Variants in STXBP4 observed in about 807,000 individuals in gnomAD.
STXBP4 encodes syntaxin-binding protein 4.
STXBP4 carries 55 observed loss-of-function variants against 76.1 expected under a neutral mutation model. That is an observed-to-expected ratio of 0.72 (90% CI 0.58 to 0.91). The LOEUF is 0.91. Among genes scored for constraint, STXBP4 ranks in the 40% least tolerant of loss-of-function variants. STXBP4 has a pLI of 0.00. For missense variants in STXBP4, 618 were observed against 636.9 expected, an observed-to-expected ratio of 0.97 and a Z score of 0.32; for synonymous variants, 201 against 220.2, an observed-to-expected ratio of 0.91 and a Z score of 0.77.
At chr17:55,137,306 T>G (rs1304529218) in intron 16 of STXBP4, among the ~76,000 whole-genome samples, 2 of 140,460 alleles carry the variant, frequency 1.4e-5, no homozygotes, top group Non-Finnish European at 3.1e-5. Context: ...CCTCTGTCCT[T>G]CTGCTCTGCT....
At chr17:55,207,436 A>G in the STXBP4 span, among the ~76,000 whole-genome samples, 1 of 152,052 alleles carries the variant, frequency 6.6e-6, no homozygotes, top group East Asian at 1.9e-4. Flanking sequence ...TAGAGTGCCC[A>G]TTTCCTCCCA....
At chr17:55,194,981 A>C in the STXBP4 span, among the ~76,000 whole-genome samples, 2 of 152,262 alleles carry the variant, frequency 1.3e-5, no homozygotes, top group South Asian at 4.1e-4. Context: ...CATACCACCT[A>C]AATATCAATA....
intron 1 of STXBP4, among the ~76,000 whole-genome samples, chr17:54,982,819 G>A (rs2077569522): frequency 6.6e-6 from 1 of 152,122 alleles, no homozygotes; most frequent in South Asian, 2.1e-4. Context: ...TTAATCAATA[G>A]TGTCATCTTT....
At chr17:55,071,915 G>T (rs1000682109) in intron 12 of STXBP4, among the ~76,000 whole-genome samples, 2 of 151,912 alleles carry the variant, frequency 1.3e-5, no homozygotes, top group Admixed American at 6.6e-5. Context: ...TAAAGAAAAA[G>T]GAATGGTTTA....
At chr17:54,999,600 A>G (rs1420807493) in intron 5 of STXBP4, 32 bp from the exon 6 acceptor site, 7 of 1,576,010 alleles carry the variant, frequency 4.4e-6, no homozygotes, top group African/African-American at 1.4e-5. Context: ...TATTCATAGC[A>G]TATCCATAAA....
At chr17:55,155,365 T>C (rs765748284) in intron 17 of STXBP4, among the ~76,000 whole-genome samples, 8 of 152,140 alleles carry the variant, frequency 5.3e-5, no homozygotes, top group Non-Finnish European at 1.2e-4. Context: ...TCTTTTATTG[T>C]CATTACTACT....
At chr17:54,977,162 A>G (rs188824838) in intron 1 of STXBP4, among the ~76,000 whole-genome samples, 20 of 152,330 alleles carry the variant, frequency 1.3e-4, no homozygotes, top group Admixed American at 8.5e-4. Flanking sequence ...CCCCCAAGAC[A>G]AATGAGTAGC....
At chr17:55,035,797 C>G (rs1448909243) in intron 10 of STXBP4, among the ~76,000 whole-genome samples, 1 of 151,834 alleles carries the variant, frequency 6.6e-6, no homozygotes, top group Non-Finnish European at 1.5e-5. Flanking sequence ...TTTCTGGACT[C>G]TTTATTCTGG....
chr17:55,093,097 C>T (rs771589017), intron 16 of STXBP4, among the ~76,000 whole-genome samples: 1 of 151,972 alleles, frequency 6.6e-6, no homozygotes, highest in African/African-American at 2.4e-5. Context: ...TGGGTTCAAG[C>T]GATTCTCGTG....
At position 55,164,455 on chromosome 17, in the gene STXBP4, T is replaced by TTTTTTTTTTTTTTTA; in HGVS notation, c.*4550_*4551insTTTTTTTTATTTTTT. 7.3e-6 allele frequency: 1 copy of TTTTTTTTTTTTTTTA among 136,784 alleles called. No individual in the cohort carries two copies. Among genetic ancestry groups the TTTTTTTTTTTTTTTA allele is most frequent in the Non-Finnish European group, 1.6e-5 (1 of 64,026 alleles). 8.5% of individuals were successfully genotyped at this position (136,784 alleles called of 1,614,324 possible). A position where few individuals can be genotyped will look rare whatever the true frequency, so the allele number is the denominator to read the frequency against. On this transcript the variant is annotated 3_prime_UTR_variant, in exon 18 of 18. Transcript: ENST00000376352. ...GTTTATTTCTTTTTTTTTTTTTTTT[T>TTTTTTTTTTTTTTTA]TTTTTTGAGACGGAGTCTCGCTCTG...
intron 7 of STXBP4, among the ~76,000 whole-genome samples, chr17:55,004,698 C>G (rs111611520): frequency 1.3e-5 from 2 of 149,922 alleles, no homozygotes; most frequent in African/African-American, 4.9e-5. Flanking sequence ...AAGACCAAGA[C>G]GCCTCTAAAG....
intron 1 of STXBP4, among the ~76,000 whole-genome samples, chr17:54,980,184 A>T (rs1354211841): frequency 6.6e-6 from 1 of 152,198 alleles, no homozygotes; most frequent in African/African-American, 2.4e-5. Context: ...ATATAATCAT[A>T]TAATCAAGCA....
At chr17:55,082,980 A>G in intron 16 of STXBP4, among the ~76,000 whole-genome samples, 2 of 148,818 alleles carry the variant, frequency 1.3e-5, no homozygotes, top group Non-Finnish European at 3.0e-5. Context: ...TTTTTTTTTT[A>G]AGACATGGTC....
chr17:55,127,913 G>A (rs1317824996), intron 16 of STXBP4, among the ~76,000 whole-genome samples: 1 of 152,052 alleles, frequency 6.6e-6, no homozygotes, highest in African/African-American at 2.4e-5. Context: ...GTTTCATTAT[G>A]TATGTTCATT....
rs144736243 is a variant in STXBP4, at chr17:55,052,393, C to T, written c.1011+5239C>T. On this transcript the variant is annotated intron_variant, in intron 12 of 17. Transcript: ENST00000376352. ...GCAGACTATAGAAGAAATCGTAATT[C>T]ACGGTATCATTCGTAAATTGATTAA... 5.1e-3 allele frequency among the ~76,000 whole-genome samples: 773 copies of T among 152,160 alleles called. 8 individuals are homozygous for T. The highest frequency in any genetic ancestry group is 0.017 in the African/African-American group (691 of 41,524).
chr17:54,999,606 A>G lies in STXBP4; in HGVS notation c.288-26A>G, dbSNP rs190507426. The G allele has an allele frequency of 1.6e-5, 25 of 1,592,818 alleles. No individual in the cohort carries two copies. In the African/African-American group the frequency reaches 3.1e-4, roughly 20 times the overall value. ...GTTGTACTATATTCATAGCATATCC[A>G]TAAAGTGATTTCTTTTTAGTACTAG... On this transcript the variant is annotated intron_variant, in intron 5 of 17. Transcript: ENST00000376352.
intron 1 of STXBP4, among the ~76,000 whole-genome samples, chr17:54,984,040 C>A (rs1381397365): frequency 6.6e-6 from 1 of 152,156 alleles, no homozygotes; most frequent in Non-Finnish European, 1.5e-5. Flanking sequence ...TGCTGTTGAT[C>A]TGCATGCTTC....
At chr17:55,206,172 C>G in the STXBP4 span, among the ~76,000 whole-genome samples, 12 of 151,944 alleles carry the variant, frequency 7.9e-5, no homozygotes, top group Admixed American at 3.3e-4. Flanking sequence ...TGTCTATGTA[C>G]TATTGTGAAT....
chr17:55,159,071 C>T (rs2145193898), intron 17 of STXBP4, among the ~76,000 whole-genome samples: 1 of 152,188 alleles, frequency 6.6e-6, no homozygotes, highest in Admixed American at 6.5e-5. Flanking sequence ...ATGGTGAAAC[C>T]CTATCTCTAC....
Sources: gnomAD v4.1 joint callset for allele counts (sites outside exome capture counted in the v4.1 genomes callset) on GRCh38, gnomAD v4.1.1 for gene constraint, MANE v1.5 for transcripts, NCBI Gene and HGNC (gene_info 2026-07-23, HGNC 2026-07-21) for gene names.